The following SYNE2 variants were observed in gnomAD, a reference collection of about 807,000 sequenced individuals.
The protein encoded by SYNE2 is spectrin repeat containing nuclear envelope protein 2, also known as nesprin-2.
A neutral mutation model predicts 856.3 loss-of-function variants in SYNE2; 431 were observed. The ratio of observed to expected loss-of-function variants is 0.50; its 90% CI spans 0.47 to 0.55. SYNE2 has a LOEUF of 0.55. Ranked by LOEUF, SYNE2 falls within the 20% of genes least tolerant of loss-of-function variation. The pLI, the probability that SYNE2 is intolerant of heterozygous loss-of-function variation, is 0.00. For missense variants in SYNE2, 8,129 were observed against 8,023.2 expected (o/e 1.01, Z -0.50); for synonymous variants, 2,923 against 2,872.3 (o/e 1.02, Z -0.56).
chr14:63,907,330 A>T (rs189025137), intron 1 of SYNE2, among the ~76,000 whole-genome samples: 1 of 152,354 alleles, frequency 6.6e-6, no homozygotes, highest in Non-Finnish European at 1.5e-5. Flanking sequence ...AGACACCATC[A>T]TGTGTTGGTT....
In SYNE2 at chr14:64,051,837, C is replaced by T; in HGVS notation, c.7924C>T (p.Leu2642=). Residue 2642 remains leucine, a synonymous_variant, in exon 48 of 116, where the codon CTG becomes TTG. Transcript: ENST00000555002. ...TAAGGTACAGGACACTGAGATTTCT[C>T]TGCAACAGCAGCAGCAACATCTACA... ...MNKVQDTEIS[L]QQQQQHLQLR... 6.2e-7 allele frequency: 1 copy of T among 1,614,096 alleles called. No individual in the cohort carries two copies. Among genetic ancestry groups the T allele is most frequent in the Non-Finnish European group, 8.5e-7 (1 of 1,180,038 alleles).
At chr14:63,822,333 A>G (rs1889252836) in intron 1 of SYNE2, among the ~76,000 whole-genome samples, 1 of 152,180 alleles carries the variant, frequency 6.6e-6, no homozygotes, top group Admixed American at 6.5e-5. Context: ...GGTAGGCTTA[A>G]CTTTTATCCC....
chr14:64,020,171 C>G (rs573723056), intron 35 of SYNE2, 78 bp downstream of exon 35: 1 of 1,016,076 alleles, frequency 9.8e-7, no homozygotes, highest in Admixed American at 1.8e-5. Context: ...CCAGCCTGGG[C>G]GACAGAGCAA....
intron 8 of SYNE2, among the ~76,000 whole-genome samples, chr14:63,959,581 G>A (rs931852583): frequency 6.6e-6 from 1 of 152,062 alleles, no homozygotes; most frequent in African/African-American, 2.4e-5. Context: ...ACAGGCTTAA[G>A]CCACCGTACG....
At chr14:64,057,363 AAT>A (rs1249878209) in intron 49 of SYNE2, among the ~76,000 whole-genome samples, 6 of 152,288 alleles carry the variant, frequency 3.9e-5, no homozygotes, top group African/African-American at 1.4e-4. Flanking sequence ...AATAAGTGGG[AAT>A]ATGTGATGTT....
intron 99 of SYNE2, chr14:64,191,132 T>C (rs1165732435): frequency 2.2e-6 from 1 of 453,040 alleles, no homozygotes; most frequent in South Asian, 5.0e-5. Flanking sequence ...TAAGATACTT[T>C]TATCTTATTA....
chr14:64,195,758 A>C (rs932622661), intron 99 of SYNE2, among the ~76,000 whole-genome samples: 1 of 152,146 alleles, frequency 6.6e-6, no homozygotes, highest in African/African-American at 2.4e-5. Context: ...GTATTTTCTC[A>C]AGGTTTTCTG....
intron 1 of SYNE2, among the ~76,000 whole-genome samples, chr14:63,811,713 A>T (rs1052659396): frequency 1.3e-5 from 2 of 152,170 alleles, no homozygotes; most frequent in African/African-American, 4.8e-5. Context: ...CAAAGAGAGG[A>T]ATTTTACAGC....
chr14:63,981,677 T>C (rs1039227337), intron 16 of SYNE2, among the ~76,000 whole-genome samples: 1 of 152,234 alleles, frequency 6.6e-6, no homozygotes, highest in Non-Finnish European at 1.5e-5. Flanking sequence ...AATTCATTAT[T>C]GTTTTCATGT....
At position 63,823,318 on chromosome 14, in the gene SYNE2, A is replaced by G. The variant is rs1889298222; in HGVS notation, c.-304-29183A>G. ...CTCAGCCTCCCAAGTAGCTGGGACT[A>G]CAGACATGCACCATCATGCCTAGCG... On this transcript the variant is annotated intron_variant, in intron 1 of 23. Transcript: ENST00000674003. 2.0e-5 allele frequency among the ~76,000 whole-genome samples: 3 copies of G among 152,126 alleles called. 1 individual carries two copies. In the South Asian group the frequency reaches 6.2e-4, roughly 32 times the overall value.
intron 1 of SYNE2, among the ~76,000 whole-genome samples, chr14:63,885,234 TTAG>T (rs1371845704): frequency 6.6e-6 from 1 of 152,134 alleles, no homozygotes; most frequent in Non-Finnish European, 1.5e-5. Context: ...CACCATGGGG[TTAG>T]TAGAGGCGAT....
At chr14:63,865,610 C>CT (rs1005623576) in intron 1 of SYNE2, among the ~76,000 whole-genome samples, 5 of 151,298 alleles carry the variant, frequency 3.3e-5, no homozygotes, top group African/African-American at 1.2e-4. Flanking sequence ...TCTTGAACTC[C>CT]TGACCTCAGG....
chr14:63,942,426 C>A (rs1403602218), intron 6 of SYNE2, among the ~76,000 whole-genome samples: 1 of 152,176 alleles, frequency 6.6e-6, no homozygotes, highest in East Asian at 1.9e-4. Context: ...TCAAGTGATT[C>A]TTCTGTCTCA....
chr14:64,167,663 C>G, intron 92 of SYNE2, 24 bp downstream of exon 92: 1 of 1,614,040 alleles, frequency 6.2e-7, no homozygotes, highest in East Asian at 2.2e-5. Flanking sequence ...CTCTGCCACC[C>G]TTGAACCGCT....
intron 108 of SYNE2, among the ~76,000 whole-genome samples, chr14:64,216,904 T>C (rs145762066): frequency 1.1e-3 from 171 of 152,276 alleles, no homozygotes; most frequent in African/African-American, 3.9e-3. Flanking sequence ...TTTGTATTTT[T>C]AGTAGAGATG....
intron 86 of SYNE2, 78 bp downstream of exon 86, chr14:64,158,873 C>A: frequency 6.8e-7 from 1 of 1,469,256 alleles, no homozygotes; most frequent in Non-Finnish European, 9.5e-7. Flanking sequence ...ACGGGCATAA[C>A]TGTGTTTGTG....
At chr14:63,841,871 C>T (rs1423406348) in intron 1 of SYNE2, among the ~76,000 whole-genome samples, 5 of 110,546 alleles carry the variant, frequency 4.5e-5, no homozygotes, top group African/African-American at 6.9e-5. Flanking sequence ...CTCATTCTGT[C>T]GCCCAGGCTG....
Position 64,017,344 on chromosome 14 carries a change from A to G in SYNE2, c.4888-251A>G, listed in dbSNP as rs1012535066. ...ACTCCATCTCAAAAAAAAAAAAAAA[A>G]AAAAAAAAAGAAATTAGGAAGACTA... On this transcript the variant is annotated intron_variant, in intron 33 of 115. Coordinates refer to ENST00000555002, the MANE Select transcript of SYNE2 (RefSeq NM_182914.3). 5.9e-5 allele frequency among the ~76,000 whole-genome samples: 9 copies of G among 151,492 alleles called. No homozygotes were observed. The East Asian group carries it at 1.5e-3, about 26-fold the overall frequency.
intron 81 of SYNE2, 81 bp downstream of exon 81, chr14:64,141,604 A>G (rs772158917): frequency 1.6e-5 from 23 of 1,459,330 alleles, no homozygotes; most frequent in Middle Eastern, 2.0e-4. Context: ...CTCTGACTCA[A>G]TAATTTTCAT....
Sources: gnomAD v4.1 joint callset for allele counts (sites outside exome capture counted in the v4.1 genomes callset) on GRCh38, gnomAD v4.1.1 for gene constraint, MANE v1.5 for transcripts, NCBI Gene and HGNC (gene_info 2026-07-23, HGNC 2026-07-21) for gene names.